Variants in GPC2 observed in about 807,000 individuals in gnomAD.
GPC2 encodes the protein glypican-2.
A neutral mutation model predicts 57.3 loss-of-function variants in GPC2; 42 were observed. That is an observed-to-expected ratio of 0.73 (90% confidence interval 0.57 to 0.95). The LOEUF (loss-of-function observed/expected upper bound fraction) is 0.95. GPC2 is among the 40% of genes least tolerant of loss of function. GPC2 has a pLI of 0.00. For synonymous variants in GPC2, 364 were observed against 343.4 expected, an observed-to-expected ratio of 1.06 and a Z score of -0.66; for missense variants, 745 against 793.6, an observed-to-expected ratio of 0.94 and a Z score of 0.74.
chr7:100,177,023 T>C lies in GPC2; in HGVS notation c.166+11A>G. On this transcript the variant is annotated intron_variant, in intron 1 of 9. Coordinates refer to ENST00000292377, the MANE Select transcript of GPC2 (RefSeq NM_152742.3). ...CACCCCCAATTCTCTAGTCTTCCTC[T>C]TTCTCCTCACCTGAGATCAGGGCGG... 1 of 748,808 alleles carries C rather than the reference T, an allele frequency of 1.3e-6. No homozygotes were observed. The highest frequency in any genetic ancestry group is 2.0e-6 in the Non-Finnish European group (1 of 499,762). 46.4% of individuals were successfully genotyped at this position (748,808 alleles called of 1,614,324 possible).
intron 9 of GPC2, chr7:100,170,985 C>T (rs367874554): frequency 2.5e-6 from 1 of 394,384 alleles, no homozygotes; most frequent in East Asian, 4.0e-5. Flanking sequence ...TGCCCCCTCC[C>T]CCATTTTCCC....
chr7:100,177,104 A>G lies in GPC2; in HGVS notation c.96T>C (p.Cys32=), dbSNP rs903335029. ...PGSEAKVTRS[C]AETRQVLGAR... ...CCCCCAGCACCTGCCGGGTCTCTGC[A>G]CAACTCCGGGTGACCTTTGCCTCGC... The change falls in exon 1 of 10, where the codon TGT becomes TGC. Residue 32 remains cysteine, a synonymous_variant. Transcript: ENST00000292377. 3 of 1,612,356 alleles carry G rather than the reference A, an allele frequency of 1.9e-6. No homozygotes were observed. The highest frequency in any genetic ancestry group is 2.5e-6 in the Non-Finnish European group (3 of 1,179,536).
chr7:100,170,143 C>A lies in GPC2; in HGVS notation c.*87G>T, dbSNP rs1799151199. ...GTCCCTTCTCTACCCTCTCTGCAGC[C>A]CCCTTCGACTCCTCCCCAGGCCCAG... On this transcript the variant is annotated 3_prime_UTR_variant, in exon 10 of 10. Transcript: ENST00000292377. 2 of 1,377,620 alleles carry A rather than the reference C, an allele frequency of 1.5e-6. No individual in the cohort carries two copies. Among genetic ancestry groups the A allele is most frequent in the Non-Finnish European group, 1.9e-6 (2 of 1,029,240 alleles). The allele number at this position is 1,377,620 out of a possible 1,614,324, so 85.3% of individuals were successfully genotyped here.
chr7:100,172,831 A>T (rs576870343), intron 5 of GPC2, among the ~76,000 whole-genome samples: 10 of 148,728 alleles, frequency 6.7e-5, no homozygotes, highest in East Asian at 3.9e-4. Flanking sequence ...GTATATATAT[A>T]TATTTTTTTC....
Position 100,171,071 on chromosome 7 carries a change from A to T in GPC2, c.1486+190T>A, listed in dbSNP as rs1584629234. 1 of 522,458 alleles carries T rather than the reference A, an allele frequency of 1.9e-6. No homozygotes were observed. Among genetic ancestry groups the T allele is most frequent in the East Asian group, 3.5e-5 (1 of 28,538 alleles). The allele number at this position is 522,458 out of a possible 1,614,324, so 32.4% of individuals were successfully genotyped here. The stretch of plus-strand genomic sequence containing the variant: ...TTCGTGTCTCCCCTACTGGCCTGAA[A>T]GGATACAGACCCCCTCATTGATCTG... On this transcript the variant is annotated intron_variant, in intron 9 of 9. Transcript: ENST00000292377. This position sits in a 1 kb window ranked among gnomAD's most constrained non-coding sequence, Gnocchi z 4.8.
chr7:100,171,550 G>A lies in GPC2; in HGVS notation c.1299C>T (p.Ala433=), dbSNP rs920351983. Residue 433 remains alanine, a synonymous_variant, in exon 8 of 10, where the codon GCC becomes GCT. Coordinates refer to ENST00000292377, the MANE Select transcript of GPC2 (RefSeq NM_152742.3). This position sits in a 1 kb window ranked among gnomAD's most constrained non-coding sequence, Gnocchi z 4.8. ...CCCCCGAGGCTCACCGGCCCCGCCCGGCTCCGGTCCAGCAGGGCGCCGCCT... is the reference window on the plus strand; with the variant it reads ...CCCCCGAGGCTCACCGGCCCCGCCCAGCTCCGGTCCAGCAGGGCGCCGCCT... The part of the protein sequence containing the change: ...SLEAAPCWTG[A]GRGRYLPPVV... 1.7e-5 allele frequency: 25 copies of A among 1,456,898 alleles called. No individual in the cohort carries two copies. The highest frequency in any genetic ancestry group is 2.2e-5 in the Non-Finnish European group (24 of 1,111,740). 90.2% of individuals were successfully genotyped at this position (1,456,898 alleles called of 1,614,324 possible). A position where few individuals can be genotyped will look rare whatever the true frequency, so the allele number is the denominator to read the frequency against.
At chr7:100,172,529 G>A (rs572763981) in intron 5 of GPC2, among the ~76,000 whole-genome samples, 2 of 149,568 alleles carry the variant, frequency 1.3e-5, no homozygotes, top group Non-Finnish European at 3.0e-5. Flanking sequence ...GCAGTGGCGC[G>A]ATCTCGGGTC....
intron 5 of GPC2, among the ~76,000 whole-genome samples, chr7:100,173,156 G>A (rs1346007968): frequency 6.6e-6 from 1 of 152,172 alleles, no homozygotes; most frequent in Non-Finnish European, 1.5e-5. Flanking sequence ...ACAGGCATGA[G>A]CCATCATGCC....
intron 1 of GPC2, 147 bp downstream of exon 1, chr7:100,176,887 G>T: frequency 1.6e-6 from 1 of 614,966 alleles, no homozygotes; most frequent in Non-Finnish European, 2.7e-6. Flanking sequence ...TCCCGGTAAG[G>T]AAGTTACAGG....
In GPC2 at chr7:100,173,940, A is replaced by C; in HGVS notation, c.787T>G (p.Cys263Gly). The change falls in exon 5 of 10, where the codon TGC (cysteine) becomes GGC (glycine). Residue 263 changes from cysteine to glycine, a missense_variant. Around this residue, in one of 2 missense-constraint regions of GPC2, gnomAD observed 607 missense variants for 603.9 expected, o/e 1.01. Coordinates refer to ENST00000292377, the MANE Select transcript of GPC2 (RefSeq NM_152742.3). Reference protein sequence around the residue: ...ALMRLIGCPLCRGVPSLMPCQ... With the variant: ...ALMRLIGCPLGRGVPSLMPCQ... ...GGCATAAGTGAGGGGACCCCCCGGC[A>C]CAGGGGACAGCCGATGAGACGCATC... 1.9e-6 allele frequency: 3 copies of C among 1,602,644 alleles called. No homozygotes were observed. Among genetic ancestry groups the C allele is most frequent in the Non-Finnish European group, 2.6e-6 (3 of 1,174,850 alleles).
rs755977904 is a variant in GPC2 at position 100,173,953 on chromosome 7, G to A, written c.774C>T (p.Ile258=). The change falls in exon 5 of 10, where the codon ATC becomes ATT. Residue 258 remains isoleucine (I), a synonymous_variant. Coordinates refer to ENST00000292377, the MANE Select transcript of GPC2 (RefSeq NM_152742.3). The stretch of plus-strand genomic sequence containing the variant: ...GGACCCCCCGGCACAGGGGACAGCC[G>A]ATGAGACGCATCAGAGCCTGGCTGC... ...EGCSQALMRL[I]GCPLCRGVPS... 179 of 1,600,264 alleles carry A rather than the reference G, an allele frequency of 1.1e-4. No individual in the cohort carries two copies. The highest frequency in any genetic ancestry group is 1.5e-4 in the Non-Finnish European group (172 of 1,173,702).
At chr7:100,176,087 G>T in intron 2 of GPC2, 120 bp downstream of exon 2, 1 of 957,986 alleles carries the variant, frequency 1.0e-6, no homozygotes, top group Non-Finnish European at 1.6e-6. Flanking sequence ...TGGGGGGTGG[G>T]CGGGCTGGGA....
At position 100,171,938 on chromosome 7, in the gene GPC2, G is replaced by T. The variant is rs1355941482; in HGVS notation, c.1024-13C>A. 13 of 1,517,298 alleles carry T rather than the reference G, an allele frequency of 8.6e-6. No individual in the cohort carries two copies. Among genetic ancestry groups the T allele is most frequent in the Non-Finnish European group, 1.1e-5 (13 of 1,136,028 alleles). The allele number at this position is 1,517,298 out of a possible 1,614,324, so 94.0% of individuals were successfully genotyped here. On this transcript the variant is annotated splice_polypyrimidine_tract_variant and intron_variant, in intron 6 of 9. Coordinates refer to ENST00000292377, the MANE Select transcript of GPC2 (RefSeq NM_152742.3). The surrounding 1 kb of genome is among the most constrained non-coding windows in gnomAD (Gnocchi z 4.8). ...ACTCCTGAAACACCTGCGGCACCGG[G>T]AAGAGACCTCACACAGTCACCCTGG...
At chr7:100,173,765 C>A in intron 5 of GPC2, 70 bp downstream of exon 5, 1 of 1,278,902 alleles carries the variant, frequency 7.8e-7, no homozygotes, top group Non-Finnish European at 1.0e-6. Context: ...CCTGCCTCAG[C>A]CTCTCAAAGT....
Position 100,171,057 on chromosome 7 carries a change from C to G in GPC2, c.1486+204G>C, listed in dbSNP as rs1434583551. On this transcript the variant is annotated intron_variant, in intron 9 of 9. Coordinates refer to ENST00000292377, the MANE Select transcript of GPC2 (RefSeq NM_152742.3). This position sits in a 1 kb window ranked among gnomAD's most constrained non-coding sequence, Gnocchi z 4.8. ...TCTTTAAGAATGTTTTCGTGTCTCC[C>G]CTACTGGCCTGAAAGGATACAGACC... 6.3e-6 allele frequency: 3 copies of G among 479,366 alleles called. No homozygotes were observed. Among genetic ancestry groups the G allele is most frequent in the Non-Finnish European group, 7.2e-6 (2 of 276,654 alleles). 29.7% of individuals were successfully genotyped at this position (479,366 alleles called of 1,614,324 possible). A position where few individuals can be genotyped will look rare whatever the true frequency, so the allele number is the denominator to read the frequency against.
Position 100,171,238 on chromosome 7 carries a change from G to T in GPC2, c.1486+23C>A. Reference sequence around the variant, plus strand: ...CTTCAGGGCAGTGGGCGGGGCTCAGGCTCAGGGATGCAGGGGTCTCACCCG... The same window carrying T: ...CTTCAGGGCAGTGGGCGGGGCTCAGTCTCAGGGATGCAGGGGTCTCACCCG... On this transcript the variant is annotated intron_variant, in intron 9 of 9. Transcript: ENST00000292377. The surrounding 1 kb of genome is among the most constrained non-coding windows in gnomAD (Gnocchi z 4.8). The T allele has an allele frequency of 6.6e-7, 1 of 1,515,680 alleles. No homozygotes were observed. The highest frequency in any genetic ancestry group is 2.2e-4 in the Middle Eastern group (1 of 4,522). The allele number at this position is 1,515,680 out of a possible 1,614,324, so 93.9% of individuals were successfully genotyped here. A position where few individuals can be genotyped will look rare whatever the true frequency, so the allele number is the denominator to read the frequency against.
Position 100,171,888 on chromosome 7 carries a change from GCAGGCACC to G in GPC2, c.1053_1060del (p.Val352ProfsTer143). 1 of 1,511,466 alleles carries G rather than the reference GCAGGCACC, an allele frequency of 6.6e-7. No homozygotes were observed. Among genetic ancestry groups the G allele is most frequent in the Non-Finnish European group, 8.8e-7 (1 of 1,135,834 alleles). 93.6% of individuals were successfully genotyped at this position (1,511,466 alleles called of 1,614,324 possible). A position where few individuals can be genotyped will look rare whatever the true frequency, so the allele number is the denominator to read the frequency against. On this transcript the variant is annotated frameshift_variant, in exon 7 of 10. Coordinates refer to ENST00000292377, the MANE Select transcript of GPC2 (RefSeq NM_152742.3). LOFTEE classifies it high-confidence loss of function. This position sits in a 1 kb window ranked among gnomAD's most constrained non-coding sequence, Gnocchi z 4.8. ...GGGCGGCGGGGCTCGACGGTTGCGGGCAGGCACCGGGTCGGGGGGGCCGCACTCCTGAA... is the reference window on the plus strand; with the variant it reads ...GGGCGGCGGGGCTCGACGGTTGCGGGGGGTCGGGGGGGCCGCACTCCTGAA...
rs896944662 is a variant in GPC2, at chr7:100,169,938, A to G, written c.*292T>C. 8.6e-6 allele frequency: 2 copies of G among 231,544 alleles called. No individual in the cohort carries two copies. The highest frequency in any genetic ancestry group is 2.3e-5 in the African/African-American group (1 of 43,322). The allele number at this position is 231,544 out of a possible 1,614,324, so 14.3% of individuals were successfully genotyped here. A position where few individuals can be genotyped will look rare whatever the true frequency, so the allele number is the denominator to read the frequency against. On this transcript the variant is annotated 3_prime_UTR_variant, in exon 10 of 10. Transcript: ENST00000292377. ...CTCCTCATTTTCTCTGTTGGGGCTG[A>G]TCACCAGCCCCAGCCTTAGAGGGCT...
intron 5 of GPC2, among the ~76,000 whole-genome samples, chr7:100,172,722 C>CGTATATATATGT (rs1226379242): frequency 1.1e-5 from 1 of 91,524 alleles, no homozygotes; most frequent in Non-Finnish European, 2.1e-5. Flanking sequence ...TATATATACA[C>CGTATATATATGT]GTATATATAT....
Sources: gnomAD v4.1 joint callset for allele counts (sites outside exome capture counted in the v4.1 genomes callset) on GRCh38, gnomAD v4.1.1 for gene constraint, gnomAD v4.1.1 regional missense constraint, Gnocchi (gnomAD v3.1) non-coding constraint, MANE v1.5 for transcripts, NCBI Gene and HGNC (gene_info 2026-07-23, HGNC 2026-07-21) for gene names.